The following GARIN1A variants were observed in gnomAD, a reference collection of about 807,000 sequenced individuals.
GARIN1A encodes golgi associated RAB2 interactor 1A.
At chr7:128,672,384 C>G in the GARIN1A span, 3 of 1,601,122 alleles carry the variant, frequency 1.9e-6, no homozygotes, top group Non-Finnish European at 2.6e-6. Flanking sequence ...CAAGCCCATT[C>G]TTACCAAGAA....
the GARIN1A span, among the ~76,000 whole-genome samples, chr7:128,694,907 T>A: frequency 6.6e-6 from 1 of 152,214 alleles, no homozygotes; most frequent in South Asian, 2.1e-4. Flanking sequence ...AAGACTGAAA[T>A]TTGCTTTGCT....
At chr7:128,677,590 T>A in the GARIN1A span, 2 of 1,609,520 alleles carry the variant, frequency 1.2e-6, no homozygotes, top group South Asian at 1.1e-5. Context: ...TACGTGGAGC[T>A]ACGAATCTAC....
At chr7:128,683,012 A>G in the GARIN1A span, 13 of 1,610,022 alleles carry the variant, frequency 8.1e-6, no homozygotes, top group Non-Finnish European at 9.3e-6. Flanking sequence ...GCTACAAGAT[A>G]CCCTCTCCAG....
At chr7:128,683,166 G>A in the GARIN1A span, 1 of 1,598,608 alleles carries the variant, frequency 6.3e-7, no homozygotes, top group Non-Finnish European at 8.5e-7. Flanking sequence ...CTGACACCTA[G>A]GCAAAACATG....
the GARIN1A span, among the ~76,000 whole-genome samples, chr7:128,674,748 C>T: frequency 6.6e-6 from 1 of 152,060 alleles, no homozygotes; most frequent in Non-Finnish European, 1.5e-5. Context: ...TGGGGCTTTC[C>T]CTCATCCCCA....
chr7:128,704,425 C>T, the GARIN1A span, among the ~76,000 whole-genome samples: 3 of 152,008 alleles, frequency 2.0e-5, no homozygotes, highest in African/African-American at 7.3e-5. Flanking sequence ...TTGCCTGAGC[C>T]TCCCAAGTAG....
At chr7:128,677,766 A>C in the GARIN1A span, 1 of 1,613,732 alleles carries the variant, frequency 6.2e-7, no homozygotes, top group East Asian at 2.2e-5. Flanking sequence ...AATCAAATTC[A>C]CTCACTGCCT....
chr7:128,672,649 A>AGG, the GARIN1A span: 27 of 124,338 alleles, frequency 2.2e-4, no homozygotes, highest in Middle Eastern at 8.2e-4. Flanking sequence ...GCCCTGGGGG[A>AGG]GGGGGGGGCG....
At chr7:128,696,566 G>A in the GARIN1A span, among the ~76,000 whole-genome samples, 30 of 152,178 alleles carry the variant, frequency 2.0e-4, no homozygotes, top group Admixed American at 1.5e-3. Flanking sequence ...GGTGGCTCAC[G>A]CCTATAATCC....
chr7:128,688,935 C>T, the GARIN1A span, among the ~76,000 whole-genome samples: 32 of 150,992 alleles, frequency 2.1e-4, no homozygotes, highest in Non-Finnish European at 3.4e-4. Flanking sequence ...CGAGTGCCTG[C>T]GATTGCAGGC....
the GARIN1A span, chr7:128,675,837 GC>G: frequency 6.2e-7 from 1 of 1,612,814 alleles, no homozygotes; most frequent in Non-Finnish European, 8.5e-7. Context: ...ACCTGGTGAC[GC>G]CCCAGTCATC....
chr7:128,681,879 G>A, the GARIN1A span, among the ~76,000 whole-genome samples: 2 of 111,784 alleles, frequency 1.8e-5, no homozygotes, highest in Admixed American at 1.7e-4. Flanking sequence ...TGGCCACACT[G>A]CACCCCCCCC....
the GARIN1A span, chr7:128,693,373 C>T: frequency 6.6e-6 from 1 of 152,434 alleles, no homozygotes; most frequent in African/African-American, 2.4e-5. Context: ...TCCCTCCTCT[C>T]ACTCCGTTCA....
At chr7:128,689,746 G>T in the GARIN1A span, among the ~76,000 whole-genome samples, 152 of 117,144 alleles carry the variant, frequency 1.3e-3, 7 homozygotes, top group African/African-American at 3.1e-3. Context: ...GGAGGTGGGG[G>T]TCAGCCCCCG....
At chr7:128,682,445 GGC>G in the GARIN1A span, among the ~76,000 whole-genome samples, 3 of 152,198 alleles carry the variant, frequency 2.0e-5, no homozygotes, top group Non-Finnish European at 2.9e-5. Context: ...CCTCCTCTGT[GGC>G]TTTCTCTCCT....
At chr7:128,679,021 T>C in the GARIN1A span, among the ~76,000 whole-genome samples, 1 of 151,314 alleles carries the variant, frequency 6.6e-6, no homozygotes, top group East Asian at 1.9e-4. Context: ...TAACGATTGT[T>C]ACATATATAC....
At chr7:128,688,974 T>C in the GARIN1A span, among the ~76,000 whole-genome samples, 15 of 151,462 alleles carry the variant, frequency 9.9e-5, no homozygotes, top group Non-Finnish European at 4.4e-5. Flanking sequence ...CTGGTTTTCG[T>C]ATTTTTTTGG....
At chr7:128,694,533 C>CA in the GARIN1A span, among the ~76,000 whole-genome samples, 390 of 119,216 alleles carry the variant, frequency 3.3e-3, 2 homozygotes, top group Admixed American at 9.5e-3. Context: ...GACTCTGTCT[C>CA]AAAAAAAAAA....
chr7:128,695,845 T>A, the GARIN1A span, among the ~76,000 whole-genome samples: 1 of 152,102 alleles, frequency 6.6e-6, no homozygotes, highest in South Asian at 2.1e-4. The surrounding 1 kb of genome is among the most constrained non-coding windows in gnomAD (Gnocchi z 4.5). Context: ...TGCCCAGCCA[T>A]ATATTATTTT....
Sources: allele counts gnomAD v4.1 joint callset (sites outside exome capture counted in the v4.1 genomes callset), GRCh38; gene constraint gnomAD v4.1.1; non-coding constraint Gnocchi (gnomAD v3.1); transcripts MANE v1.5; gene names NCBI Gene and HGNC (gene_info 2026-07-23, HGNC 2026-07-21).